The following MRPL10 variants were observed in gnomAD, a reference collection of about 807,000 sequenced individuals.
MRPL10 encodes mitochondrial ribosomal protein L10, also known as large ribosomal subunit protein uL10m.
A neutral mutation model predicts 19.8 loss-of-function variants in MRPL10; 14 were observed. The ratio of observed to expected loss-of-function variants is 0.71; its 90% CI spans 0.47 to 1.11. The LOEUF is 1.11. MRPL10 is among the 50% of genes least tolerant of loss of function. The pLI is 0.00. For missense variants in MRPL10, 318 were observed against 339.6 expected, an observed-to-expected ratio of 0.94 and a Z score of 0.50; for synonymous variants, 129 against 139.2, an observed-to-expected ratio of 0.93 and a Z score of 0.52.
At chr17:47,825,510 A>C (rs529437911) in intron 4 of MRPL10, among the ~76,000 whole-genome samples, 1 of 152,320 alleles carries the variant, frequency 6.6e-6, no homozygotes, top group South Asian at 2.1e-4. Context: ...CTGTAGTCCC[A>C]GCTACTTAGG....
At chr17:47,828,040 T>C (rs1355836284) in intron 2 of MRPL10, among the ~76,000 whole-genome samples, 1 of 149,724 alleles carries the variant, frequency 6.7e-6, no homozygotes, top group Non-Finnish European at 1.5e-5. Context: ...CTGTCTCTAC[T>C]AAAGATGCAA....
chr17:47,826,540 C>T (rs1425283616), intron 4 of MRPL10, 97 bp downstream of exon 4: 1 of 1,463,772 alleles, frequency 6.8e-7, no homozygotes, highest in Non-Finnish European at 9.4e-7. Flanking sequence ...AAAGGATGCT[C>T]TCTCCAAGAA....
chr17:47,826,146 C>CA (rs67519028), intron 4 of MRPL10, among the ~76,000 whole-genome samples: 18 of 74,176 alleles, frequency 2.4e-4, no homozygotes, highest in Admixed American at 6.1e-4. Context: ...GACTCCATCT[C>CA]AAAAAAAAAA....
chr17:47,826,838 C>A, intron 3 of MRPL10, 57 bp from the exon 4 acceptor site: 3 of 1,607,668 alleles, frequency 1.9e-6, no homozygotes, highest in Non-Finnish European at 2.6e-6. Context: ...AGAGCTACCT[C>A]GTGGGTCATG....
chr17:47,823,602 A>T lies in MRPL10; in HGVS notation c.*603T>A, dbSNP rs17035. The T allele has an allele frequency of 0.27, 41,760 of 153,966 alleles. 7,032 individuals carry two copies. The highest frequency in any genetic ancestry group is 0.38 in the Non-Finnish European group (26,113 of 68,992). The allele number at this position is 153,966 out of a possible 1,614,324, so 9.5% of individuals were successfully genotyped here. A position where few individuals can be genotyped will look rare whatever the true frequency, so the allele number is the denominator to read the frequency against. On this transcript the variant is annotated 3_prime_UTR_variant, in exon 5 of 5. Coordinates refer to ENST00000351111, the MANE Select transcript of MRPL10 (RefSeq NM_145255.4). ...GTAACCTGATGAGGAAGCTCTAGTG[A>T]AGAAATTCAGGACGCGGTCTTCAGA...
chr17:47,823,716 G>A lies in MRPL10; in HGVS notation c.*489C>T, dbSNP rs2033480981. On this transcript the variant is annotated 3_prime_UTR_variant, in exon 5 of 5. Transcript: ENST00000351111. ...CTTAATTTCTCTGCTCCTTCTCTGT[G>A]AAATGGGTACAATGTGGTCAGCAGT... 6.1e-6 allele frequency: 1 copy of A among 164,738 alleles called. No individual in the cohort carries two copies. Among genetic ancestry groups the A allele is most frequent in the Admixed American group, 5.6e-5 (1 of 17,866 alleles). 10.2% of individuals were successfully genotyped at this position (164,738 alleles called of 1,614,324 possible).
chr17:47,828,595 T>G lies in MRPL10; in HGVS notation c.128A>C (p.Gln43Pro), dbSNP rs757421054. 13 of 1,521,084 alleles carry G rather than the reference T, an allele frequency of 8.5e-6. No individual in the cohort carries two copies. Among genetic ancestry groups the G allele is most frequent in the Non-Finnish European group, 1.1e-5 (13 of 1,142,080 alleles). 94.2% of individuals were successfully genotyped at this position (1,521,084 alleles called of 1,614,324 possible). A position where few individuals can be genotyped will look rare whatever the true frequency, so the allele number is the denominator to read the frequency against. Residue 43 changes from glutamine to proline, a missense_variant, in exon 2 of 5, where the codon CAG (glutamine) becomes CCG (proline). By Grantham distance (76) the Gln-to-Pro change is moderately conservative (BLOSUM62 -1). Coordinates refer to ENST00000351111, the MANE Select transcript of MRPL10 (RefSeq NM_145255.4). The part of the protein sequence containing the change: ...VTRHRRVMHF[Q>P]RQKLMAVTEY... ...AGTCACAGCCATCAGCTTCTGCCGC[T>G]GAAAGTGCATCACACGACGGTGGCG...
chr17:47,828,666 C>G lies in MRPL10; in HGVS notation c.57G>C (p.Arg19=). ...LRGGLLPQAG[R]LPTLQTVRYG... Reference sequence around the variant, plus strand: ...AGCGGACAGTCTGGAGGGTAGGCAGCCGGCCTGGGAGGGCATATAGCAACA... The same window carrying G: ...AGCGGACAGTCTGGAGGGTAGGCAGGCGGCCTGGGAGGGCATATAGCAACA... The change falls in exon 2 of 5, where the codon CGG becomes CGC. Residue 19 remains arginine, a synonymous_variant. Transcript: ENST00000351111. 3 of 1,513,000 alleles carry G rather than the reference C, an allele frequency of 2.0e-6. No homozygotes were observed. Among genetic ancestry groups the G allele is most frequent in the Non-Finnish European group, 2.6e-6 (3 of 1,142,208 alleles). The allele number at this position is 1,513,000 out of a possible 1,614,324, so 93.7% of individuals were successfully genotyped here.
intron 1 of MRPL10, 109 bp downstream of exon 1, chr17:47,831,351 C>T (rs981987879): frequency 6.5e-7 from 1 of 1,539,036 alleles, no homozygotes; most frequent in African/African-American, 1.4e-5. Context: ...AGGAGGCCAG[C>T]GATCTAGCTG....
Position 47,824,181 on chromosome 17 carries a change from C to G in MRPL10, c.*24G>C. ...GCCAATAACGCAGAGTGTATTTATG[C>G]GCAGGGCTGGCTAAACAGGCTGGCT... is the stretch of plus-strand genomic sequence containing the variant. On this transcript the variant is annotated 3_prime_UTR_variant, in exon 5 of 5. Coordinates refer to ENST00000351111, the MANE Select transcript of MRPL10 (RefSeq NM_145255.4). 1 of 1,613,896 alleles carries G rather than the reference C, an allele frequency of 6.2e-7. No individual in the cohort carries two copies.
rs776376801 is a variant in MRPL10 at position 47,824,454 on chromosome 17, G to A, written c.537C>T (p.Gly179=). 2.6e-6 allele frequency: 4 copies of A among 1,531,402 alleles called. No homozygotes were observed. In the South Asian group the frequency reaches 5.1e-5, roughly 20 times the overall value. The allele number at this position is 1,531,402 out of a possible 1,614,324, so 94.9% of individuals were successfully genotyped here. A position where few individuals can be genotyped will look rare whatever the true frequency, so the allele number is the denominator to read the frequency against. The part of the protein sequence containing the change: ...RTVPFLPLLG[G]CIDDTILSRQ... ...TGCTGAGGATGGTGTCATCAATGCA[G>A]CCACCTGGAAGAACACAGGGTCAGT... is the stretch of plus-strand genomic sequence containing the variant. Residue 179 remains glycine (G), a synonymous_variant, in exon 5 of 5, where the codon GGC becomes GGT. Coordinates refer to ENST00000351111, the MANE Select transcript of MRPL10 (RefSeq NM_145255.4).
At position 47,829,015 on chromosome 17, in the gene MRPL10, C is replaced by T. The variant is rs115339370; in HGVS notation, c.53-345G>A. 977 of 173,240 alleles carry T rather than the reference C, an allele frequency of 5.6e-3. 6 individuals carry two copies. Among genetic ancestry groups the T allele is most frequent in the African/African-American group, 0.022 (915 of 42,254 alleles). 10.7% of individuals were successfully genotyped at this position (173,240 alleles called of 1,614,324 possible). On this transcript the variant is annotated intron_variant, in intron 1 of 4. Coordinates refer to ENST00000351111, the MANE Select transcript of MRPL10 (RefSeq NM_145255.4). ...TGGTGGCTGACACCTGTAATTCCAG[C>T]ACTTTGGTAGGCCGAAGCGGGCGAG... is the stretch of plus-strand genomic sequence containing the variant.
At chr17:47,826,954 C>A in intron 3 of MRPL10, 86 bp downstream of exon 3, 6 of 1,474,696 alleles carry the variant, frequency 4.1e-6, no homozygotes, top group Non-Finnish European at 5.6e-6. Context: ...TAAGAAGTAT[C>A]ATCACTGGGG....
intron 4 of MRPL10, among the ~76,000 whole-genome samples, chr17:47,826,143 T>C (rs2033529091): frequency 8.3e-5 from 2 of 24,020 alleles, no homozygotes; most frequent in East Asian, 1.3e-3. Context: ...TGAGACTCCA[T>C]CTCAAAAAAA....
In MRPL10 at chr17:47,831,503, C is replaced by A. The variant is rs911368228; in HGVS notation, c.9G>T (p.Ala3=). The A allele has an allele frequency of 3.4e-5, 53 of 1,550,054 alleles. No individual in the cohort carries two copies. The highest frequency in any genetic ancestry group is 4.6e-5 in the Non-Finnish European group (53 of 1,146,744). The part of the protein sequence containing the change: MA[A]AVAGMLRGGL... ...CCCCTCGCAGCATCCCCGCCACGGC[C>A]GCAGCCATCTCCACCGGAAGAATGG... Residue 3 remains alanine, a synonymous_variant, in exon 1 of 5, where the codon GCG becomes GCT. Coordinates refer to ENST00000351111, the MANE Select transcript of MRPL10 (RefSeq NM_145255.4).
chr17:47,824,364 T>G lies in MRPL10; in HGVS notation c.627A>C (p.Gly209=). 1.2e-6 allele frequency: 2 copies of G among 1,612,050 alleles called. No homozygotes were observed. The highest frequency in any genetic ancestry group is 1.7e-6 in the Non-Finnish European group (2 of 1,178,652). Residue 209 remains glycine (G), a synonymous_variant, in exon 5 of 5, where the codon GGA becomes GGC. Coordinates refer to ENST00000351111, the MANE Select transcript of MRPL10 (RefSeq NM_145255.4). The stretch of plus-strand genomic sequence containing the variant: ...TCTGGGCTGTGAGGCAGGTGAGGCC[T>G]CCTACAAGCTCCCCCTGCACCAGGG... The part of the protein sequence containing the change: ...SLPLVQGELV[G]GLTCLTAQTH...
In MRPL10 at chr17:47,823,885, G is replaced by GT. The variant is rs1318708657; in HGVS notation, c.*319dup. ...CCCAAGGGGGTGGGCTCAGGAGCCC[G>GT]TGCAGCAAGAGGCAGTGACCAAGGA... On this transcript the variant is annotated 3_prime_UTR_variant, in exon 5 of 5. Coordinates refer to ENST00000351111, the MANE Select transcript of MRPL10 (RefSeq NM_145255.4). The GT allele has an allele frequency of 2.7e-6, 1 of 374,464 alleles. No homozygotes were observed. The highest frequency in any genetic ancestry group is 5.0e-6 in the Non-Finnish European group (1 of 200,622). The allele number at this position is 374,464 out of a possible 1,614,324, so 23.2% of individuals were successfully genotyped here. A position where few individuals can be genotyped will look rare whatever the true frequency, so the allele number is the denominator to read the frequency against.
At position 47,827,027 on chromosome 17, in the gene MRPL10, G is replaced by A; in HGVS notation, c.387+13C>T. ...GAAGATGGGCAACCCATGCCAAGGG[G>A]CCTGCTCCCTACCTGGTTGGGGAAG... On this transcript the variant is annotated intron_variant, in intron 3 of 4. Coordinates refer to ENST00000351111, the MANE Select transcript of MRPL10 (RefSeq NM_145255.4). 1.2e-6 allele frequency: 2 copies of A among 1,603,022 alleles called. No individual in the cohort carries two copies. Among genetic ancestry groups the A allele is most frequent in the African/African-American group, 1.3e-5 (1 of 74,804 alleles).
intron 1 of MRPL10, chr17:47,831,162 A>G: frequency 1.7e-6 from 1 of 604,260 alleles, no homozygotes; most frequent in Non-Finnish European, 2.7e-6. Context: ...ACAGATTGCG[A>G]CGGGGCTAAG....
Sources: gnomAD v4.1 joint callset for allele counts (sites outside exome capture counted in the v4.1 genomes callset) on GRCh38, gnomAD v4.1.1 for gene constraint, MANE v1.5 for transcripts, NCBI Gene and HGNC (gene_info 2026-07-23, HGNC 2026-07-21) for gene names.